The following KLF12 variants were observed in gnomAD, a reference collection of about 807,000 sequenced individuals.
KLF12 encodes Krueppel-like factor 12.
A neutral mutation model predicts 37.8 loss-of-function variants in KLF12; 9 were observed. The ratio of observed to expected loss-of-function variants is 0.24; its 90% confidence interval spans 0.14 to 0.42. The LOEUF (loss-of-function observed/expected upper bound fraction) is 0.42, where lower values mean the gene tolerates loss of function less well. Among genes scored for constraint, KLF12 ranks in the 10% least tolerant of loss-of-function variants. The probability of loss-of-function intolerance (pLI) is 1.00; values close to 1 mark genes in which losing one functional copy is unlikely to be tolerated. For missense variants in KLF12, 411 were observed against 516.0 expected, an observed-to-expected ratio of 0.80 and a Z score of 1.97; for synonymous variants, 208 against 202.1, an observed-to-expected ratio of 1.03 and a Z score of -0.25.
intron 1 of KLF12, among the ~76,000 whole-genome samples, chr13:74,074,360 CCAA>C (rs1345261993): frequency 1.3e-5 from 2 of 152,200 alleles, no homozygotes; most frequent in Admixed American, 6.5e-5. Flanking sequence ...AGGAAATCTG[CCAA>C]GAGGCCAAAC....
intron 5 of KLF12, among the ~76,000 whole-genome samples, chr13:73,780,261 T>G (rs1880875865): frequency 6.6e-6 from 1 of 152,116 alleles, no homozygotes; most frequent in Admixed American, 6.5e-5. Flanking sequence ...ATTTCAGCAG[T>G]TTTTGGGAAA....
intron 1 of KLF12, among the ~76,000 whole-genome samples, chr13:74,022,565 T>C (rs747635930): frequency 3.9e-5 from 6 of 152,136 alleles, no homozygotes; most frequent in Non-Finnish European, 7.3e-5. Flanking sequence ...TCTATACTTT[T>C]GCAACCTTAC....
chr13:74,057,068 G>A (rs772126252), intron 1 of KLF12, among the ~76,000 whole-genome samples: 1 of 152,212 alleles, frequency 6.6e-6, no homozygotes, highest in Non-Finnish European at 1.5e-5. Context: ...CAGCCATGAT[G>A]AGCTGCCAGA....
chr13:74,236,052 G>A, the KLF12 span, among the ~76,000 whole-genome samples: 2 of 148,314 alleles, frequency 1.3e-5, no homozygotes, highest in Non-Finnish European at 3.0e-5. Context: ...CCACTAACTC[G>A]TCATCTAGCA....
chr13:73,804,040 A>G (rs1882432294), intron 5 of KLF12, among the ~76,000 whole-genome samples: 1 of 152,130 alleles, frequency 6.6e-6, no homozygotes, highest in East Asian at 1.9e-4. Context: ...TCTAAAGAAT[A>G]AACTCATCCT....
intron 6 of KLF12, among the ~76,000 whole-genome samples, chr13:73,724,970 G>A (rs953267466): frequency 3.3e-5 from 5 of 151,840 alleles, no homozygotes; most frequent in African/African-American, 9.7e-5. Flanking sequence ...ACACACTTAC[G>A]CTATTTCCTT....
chr13:73,696,486 G>T (rs1426940946), intron 7 of KLF12, among the ~76,000 whole-genome samples: 1 of 152,128 alleles, frequency 6.6e-6, no homozygotes, highest in African/African-American at 2.4e-5. Flanking sequence ...GCTCCCAGGG[G>T]GAGTGGGACA....
chr13:74,213,991 T>C, the KLF12 span, among the ~76,000 whole-genome samples: 1 of 152,234 alleles, frequency 6.6e-6, no homozygotes, highest in Non-Finnish European at 1.5e-5. Flanking sequence ...ATTAGTTTTG[T>C]TGAATTCATG....
At chr13:74,217,554 C>T in the KLF12 span, among the ~76,000 whole-genome samples, 3 of 151,984 alleles carry the variant, frequency 2.0e-5, no homozygotes, top group African/African-American at 7.3e-5. Flanking sequence ...TGGTGAAAGC[C>T]CATCTCTACT....
upstream of KLF12, among the ~76,000 whole-genome samples, chr13:74,134,637 G>A (rs923157796): frequency 6.6e-6 from 1 of 151,878 alleles, no homozygotes; most frequent in Non-Finnish European, 1.5e-5. Flanking sequence ...CCCACACATG[G>A]CCCTGGGAGC....
intron 1 of KLF12, among the ~76,000 whole-genome samples, chr13:74,090,925 T>C (rs944171914): frequency 2.1e-5 from 3 of 143,946 alleles, no homozygotes; most frequent in African/African-American, 7.9e-5. Flanking sequence ...TAGCCAAAAC[T>C]ACCTTGAAAA....
the KLF12 span, among the ~76,000 whole-genome samples, chr13:74,149,384 A>C: frequency 2.6e-5 from 4 of 152,166 alleles, no homozygotes; most frequent in Non-Finnish European, 5.9e-5. Context: ...TCTTCATCTC[A>C]ATAAATAAAA....
the KLF12 span, among the ~76,000 whole-genome samples, chr13:74,237,434 T>C: frequency 7.3e-6 from 1 of 136,812 alleles, no homozygotes; most frequent in Non-Finnish European, 1.5e-5. Flanking sequence ...GGCTCTTTTT[T>C]GGTTCCATAT....
chr13:73,706,767 T>C (rs1874984446), intron 7 of KLF12, among the ~76,000 whole-genome samples: 1 of 152,190 alleles, frequency 6.6e-6, no homozygotes, highest in Admixed American at 6.5e-5. Flanking sequence ...TGGATATGTG[T>C]GAATGAGGCT....
intron 1 of KLF12, among the ~76,000 whole-genome samples, chr13:74,046,156 C>A (rs942838810): frequency 6.6e-6 from 1 of 152,090 alleles, no homozygotes; most frequent in East Asian, 1.9e-4. Context: ...TGAGGACTTA[C>A]TATATGAACT....
At chr13:73,816,737 A>T (rs1328424756) in intron 4 of KLF12, among the ~76,000 whole-genome samples, 1 of 152,228 alleles carries the variant, frequency 6.6e-6, no homozygotes, top group Non-Finnish European at 1.5e-5. Flanking sequence ...TGACACAAGT[A>T]GAGGCTTGAA....
chr13:73,906,413 A>G (rs1347770890), intron 3 of KLF12, among the ~76,000 whole-genome samples: 1 of 152,046 alleles, frequency 6.6e-6, no homozygotes, highest in Non-Finnish European at 1.5e-5. Context: ...TATATTTTCC[A>G]GTTTACTAAT....
chr13:74,010,304 A>G (rs1411783265), intron 1 of KLF12, among the ~76,000 whole-genome samples: 1 of 152,170 alleles, frequency 6.6e-6, no homozygotes, highest in Non-Finnish European at 1.5e-5. Context: ...ACATACCCCA[A>G]AAGTCCCAGG....
the KLF12 span, among the ~76,000 whole-genome samples, chr13:74,184,708 A>G: frequency 6.6e-6 from 1 of 152,334 alleles, no homozygotes; most frequent in Middle Eastern, 3.4e-3. Flanking sequence ...GGTTGCATTC[A>G]CAGAAAGTTG....
Sources: gnomAD v4.1 joint callset for allele counts (sites outside exome capture counted in the v4.1 genomes callset) on GRCh38, gnomAD v4.1.1 for gene constraint, MANE v1.5 for transcripts, NCBI Gene and HGNC (gene_info 2026-07-23, HGNC 2026-07-21) for gene names.